The following DNASE2B variants were observed in gnomAD, a reference collection of about 807,000 sequenced individuals.
DNASE2B encodes deoxyribonuclease-2-beta.
DNASE2B carries 43 observed loss-of-function variants against 46.0 expected under a neutral mutation model. The ratio of observed to expected loss-of-function variants is 0.94; its 90% CI spans 0.73 to 1.21. The LOEUF is 1.21. DNASE2B is among the 50% of genes most tolerant of loss of function. DNASE2B has a pLI of 0.00. For synonymous variants in DNASE2B, 156 were observed against 152.5 expected (o/e 1.02, Z -0.17); for missense variants, 395 against 414.4 (o/e 0.95, Z 0.41).
chr1:84,403,953 ATTTTTT>A (rs562382212), intron 2 of DNASE2B, among the ~76,000 whole-genome samples: 1 of 108,114 alleles, frequency 9.2e-6, no homozygotes, highest in South Asian at 3.5e-4. Context: ...TGCCTGGCTA[ATTTTTT>A]TTTTTTTTTT....
chr1:84,412,833 T>C (rs1445552772), intron 5 of DNASE2B, among the ~76,000 whole-genome samples: 1 of 151,832 alleles, frequency 6.6e-6, no homozygotes, highest in African/African-American at 2.4e-5. Flanking sequence ...CCCTGAGTGG[T>C]TATTTTAAGC....
At chr1:84,408,384 G>A in intron 2 of DNASE2B, 53 bp from the exon 3 acceptor site, 1 of 1,549,880 alleles carries the variant, frequency 6.5e-7, no homozygotes. Context: ...AAATGTTGTG[G>A]GCGTTTGTAA....
Position 84,408,522 on chromosome 1 carries a change from T to C in DNASE2B, c.385+4T>C. 6.2e-7 allele frequency: 1 copy of C among 1,602,880 alleles called. No homozygotes were observed. Among genetic ancestry groups the C allele is most frequent in the Non-Finnish European group, 8.5e-7 (1 of 1,175,554 alleles). ...AGAAAGTATGGACACACCAAAGGTA[T>C]GACAAAGATTCTTGGTTTCTCTTTC... On this transcript the variant is annotated splice_donor_region_variant and intron_variant, in intron 3 of 5. Coordinates refer to ENST00000370665, the MANE Select transcript of DNASE2B (RefSeq NM_021233.3).
At chr1:84,403,953 ATTT>A (rs562382212) in intron 2 of DNASE2B, among the ~76,000 whole-genome samples, 4 of 108,098 alleles carry the variant, frequency 3.7e-5, no homozygotes, top group Admixed American at 1.0e-4. Context: ...TGCCTGGCTA[ATTT>A]TTTTTTTTTT....
chr1:84,414,005 GTTA>G (rs1182258231), intron 5 of DNASE2B, among the ~76,000 whole-genome samples: 2 of 152,178 alleles, frequency 1.3e-5, no homozygotes, highest in African/African-American at 4.8e-5. Flanking sequence ...TATTGACACA[GTTA>G]TTATGACAGC....
chr1:84,405,843 C>A (rs1680484298), intron 2 of DNASE2B, among the ~76,000 whole-genome samples: 1 of 152,072 alleles, frequency 6.6e-6, no homozygotes, highest in African/African-American at 2.4e-5. Context: ...CTTAGTACTG[C>A]ATATTTATGT....
intron 5 of DNASE2B, among the ~76,000 whole-genome samples, chr1:84,413,609 T>G (rs1680640747): frequency 6.6e-6 from 1 of 152,336 alleles, no homozygotes; most frequent in Admixed American, 6.5e-5. Flanking sequence ...TTTAGGTGAC[T>G]GGGTTGCCAT....
At chr1:84,403,586 G>C (rs1680454538) in intron 2 of DNASE2B, among the ~76,000 whole-genome samples, 1 of 151,586 alleles carries the variant, frequency 6.6e-6, no homozygotes, top group Non-Finnish European at 1.5e-5. Flanking sequence ...GGGAGAGGTG[G>C]GGAAGGTGGA....
intron 2 of DNASE2B, among the ~76,000 whole-genome samples, chr1:84,406,648 C>T (rs1475869324): frequency 2.0e-5 from 3 of 152,134 alleles, no homozygotes; most frequent in Non-Finnish European, 4.4e-5. Context: ...ATTTCCATGC[C>T]TGATTGGCAT....
At position 84,414,676 on chromosome 1, in the gene DNASE2B, T is replaced by C. The variant is rs370855181; in HGVS notation, c.894T>C (p.Tyr298=). 1.2e-5 allele frequency: 20 copies of C among 1,614,074 alleles called. No homozygotes were observed. In the South Asian group the frequency reaches 2.2e-4, roughly 18 times the overall value. The change falls in exon 6 of 6, where the codon TAT becomes TAC. Residue 298 remains tyrosine, a synonymous_variant. Transcript: ENST00000370665. ...CAATTAAATTATCACGACACTCTTA[T>C]TTCAGTTCTTATCAAGATCATGCCA... is the stretch of plus-strand genomic sequence containing the variant. The part of the protein sequence containing the change: ...IKAIKLSRHS[Y]FSSYQDHAKW...
chr1:84,401,520 C>T (rs1680419942), intron 1 of DNASE2B, among the ~76,000 whole-genome samples: 2 of 152,176 alleles, frequency 1.3e-5, no homozygotes, highest in Non-Finnish European at 2.9e-5. Context: ...TACCTTCCAC[C>T]TCTCCTGAAG....
At chr1:84,399,509 G>A (rs890547480) in intron 1 of DNASE2B, among the ~76,000 whole-genome samples, 2 of 152,160 alleles carry the variant, frequency 1.3e-5, no homozygotes, top group African/African-American at 4.8e-5. Context: ...GGGCATAGGT[G>A]GAACACTGGG....
intron 3 of DNASE2B, 128 bp from the exon 4 acceptor site, chr1:84,410,710 C>A: frequency 1.1e-6 from 1 of 870,678 alleles, no homozygotes; most frequent in Non-Finnish European, 1.7e-6. Flanking sequence ...AAGCATGATC[C>A]TTGTGATTAT....
rs1382253479 is a variant in DNASE2B, at chr1:84,414,756, T to C, written c.974T>C (p.Leu325Pro). 8 of 1,614,218 alleles carry C rather than the reference T, an allele frequency of 5.0e-6. No individual in the cohort carries two copies. Among genetic ancestry groups the C allele is most frequent in the Non-Finnish European group, 5.9e-6 (7 of 1,180,018 alleles). Residue 325 changes from leucine (L) to proline (P), a missense_variant, in exon 6 of 6, where the codon CTA becomes CCA. Transcript: ENST00000370665. The stretch of plus-strand genomic sequence containing the variant: ...AATCGCTGGACATGTATTGGAGACC[T>C]AAATCGGAGTCCACACCAAGCCTTC... ...TKNRWTCIGDLNRSPHQAFRS... is the reference protein window; with the variant it reads ...TKNRWTCIGDPNRSPHQAFRS...
chr1:84,401,788 T>C, intron 1 of DNASE2B, 113 bp from the exon 2 acceptor site: 2 of 787,270 alleles, frequency 2.5e-6, no homozygotes, highest in South Asian at 4.7e-5. Context: ...TCCCTTTCCT[T>C]AGAGGCCTTC....
At chr1:84,405,011 C>A (rs1034927088) in intron 2 of DNASE2B, among the ~76,000 whole-genome samples, 1 of 152,164 alleles carries the variant, frequency 6.6e-6, no homozygotes, top group South Asian at 2.1e-4. Flanking sequence ...GCATTAAAAA[C>A]CTGCTCAGGA....
At chr1:84,400,112 T>C (rs1221434130) in intron 1 of DNASE2B, among the ~76,000 whole-genome samples, 1 of 152,142 alleles carries the variant, frequency 6.6e-6, no homozygotes, top group Non-Finnish European at 1.5e-5. Context: ...CTCACGCCTG[T>C]AAGCCCAGCA....
At chr1:84,403,772 G>A (rs1161806192) in intron 2 of DNASE2B, among the ~76,000 whole-genome samples, 2 of 151,936 alleles carry the variant, frequency 1.3e-5, no homozygotes, top group East Asian at 3.9e-4. Flanking sequence ...TGTTGTAAAA[G>A]AAGTTAAAAG....
In DNASE2B at chr1:84,402,140, C is replaced by T. The variant is rs995931172; in HGVS notation, c.303+62C>T. 3.3e-6 allele frequency: 5 copies of T among 1,493,642 alleles called. No homozygotes were observed. In the Admixed American group the frequency reaches 7.8e-5, roughly 23 times the overall value. The allele number at this position is 1,493,642 out of a possible 1,614,324, so 92.5% of individuals were successfully genotyped here. On this transcript the variant is annotated intron_variant, in intron 2 of 5. Coordinates refer to ENST00000370665, the MANE Select transcript of DNASE2B (RefSeq NM_021233.3). ...AAAATGCATAAAACTGAATCCAAAGCCTTCACCAGAGTTTTCTGTTCACCC... is the reference window on the plus strand; with the variant it reads ...AAAATGCATAAAACTGAATCCAAAGTCTTCACCAGAGTTTTCTGTTCACCC...
Sources: allele counts gnomAD v4.1 joint callset (sites outside exome capture counted in the v4.1 genomes callset), GRCh38; gene constraint gnomAD v4.1.1; transcripts MANE v1.5; gene names NCBI Gene and HGNC (gene_info 2026-07-23, HGNC 2026-07-21).